Variants in BACH2 observed in about 807,000 individuals in gnomAD.
BACH2 encodes the protein transcription regulator protein BACH2.
A neutral mutation model predicts 61.8 loss-of-function variants in BACH2; 5 were observed. That is an observed-to-expected ratio of 0.08 (90% CI 0.04 to 0.17). The LOEUF (loss-of-function observed/expected upper bound fraction) is 0.17, where lower values mean the gene tolerates loss of function less well. Ranked by LOEUF, BACH2 falls within the 10% of genes least tolerant of loss-of-function variation. The pLI is 1.00. For missense variants in BACH2, 824 were observed against 1,091.1 expected, an observed-to-expected ratio of 0.76 and a Z score of 3.45; for synonymous variants, 446 against 440.1, an observed-to-expected ratio of 1.01 and a Z score of -0.17.
chr6:90,204,361 T>G (rs1289026806), intron 4 of BACH2, among the ~76,000 whole-genome samples: 2 of 152,194 alleles, frequency 1.3e-5, no homozygotes, highest in African/African-American at 4.8e-5. Context: ...TCTGGTTTTA[T>G]TCATGCTGAG....
At chr6:90,109,392 C>G (rs1783067809) in intron 4 of BACH2, among the ~76,000 whole-genome samples, 1 of 152,230 alleles carries the variant, frequency 6.6e-6, no homozygotes, top group Admixed American at 6.5e-5. Flanking sequence ...CTGCAGAGTC[C>G]TCCTCTGCTC....
At chr6:90,050,631 T>C (rs1053182925) in intron 5 of BACH2, among the ~76,000 whole-genome samples, 2 of 152,216 alleles carry the variant, frequency 1.3e-5, no homozygotes, top group Non-Finnish European at 2.9e-5. Context: ...CATAAAGATA[T>C]GTTATTCATG....
At chr6:90,013,787 T>C (rs1777863345) in intron 5 of BACH2, among the ~76,000 whole-genome samples, 1 of 152,042 alleles carries the variant, frequency 6.6e-6, no homozygotes, top group South Asian at 2.1e-4. Context: ...GGATTATAGG[T>C]GTGAGTCACT....
Position 89,951,289 on chromosome 6 carries a change from C to A in BACH2, c.817G>T (p.Gly273Trp). The change falls in exon 7 of 9, where the codon GGG becomes TGG. Residue 273 changes from glycine (G) to tryptophan (W), a missense_variant. Coordinates refer to ENST00000257749, the MANE Select transcript of BACH2 (RefSeq NM_021813.4). This position sits in a 1 kb window ranked among gnomAD's most constrained non-coding sequence, Gnocchi z 6.4. ...CTGGGCGGCTCACTTTTAATCTGCC[C>A]CCTGGCAAGCCCCGGCTTGAGGCTG... is the stretch of plus-strand genomic sequence containing the variant. Reference protein sequence around the residue: ...SNSLKPGLARGQIKSEPPSEE... With the variant: ...SNSLKPGLARWQIKSEPPSEE... The A allele has an allele frequency of 1.5e-5, 24 of 1,614,212 alleles. No homozygotes were observed. Among genetic ancestry groups the A allele is most frequent in the Non-Finnish European group, 1.9e-5 (23 of 1,180,040 alleles).
At chr6:90,282,490 C>CT (rs1253048932) in intron 1 of BACH2, among the ~76,000 whole-genome samples, 1 of 152,090 alleles carries the variant, frequency 6.6e-6, no homozygotes, top group Non-Finnish European at 1.5e-5. Context: ...TGATCTCATT[C>CT]TTTTTTATGG....
intron 3 of BACH2, among the ~76,000 whole-genome samples, chr6:90,231,418 C>G (rs1485002563): frequency 2.0e-5 from 3 of 152,132 alleles, no homozygotes; most frequent in Admixed American, 6.5e-5. Context: ...ACCTTAGCAA[C>G]ATGACCAAAC....
chr6:90,013,454 C>T (rs1040126556), intron 5 of BACH2, among the ~76,000 whole-genome samples: 2 of 150,882 alleles, frequency 1.3e-5, no homozygotes, highest in African/African-American at 4.9e-5. Context: ...CTCCCTCTCT[C>T]CTCCCCTTCC....
At chr6:89,979,089 A>T (rs567986738) in intron 6 of BACH2, among the ~76,000 whole-genome samples, 17 of 152,338 alleles carry the variant, frequency 1.1e-4, no homozygotes, top group African/African-American at 3.8e-4. Context: ...CTTAGCTGGA[A>T]CACCAAAGAG....
At chr6:90,272,511 C>T (rs1361810304) in intron 1 of BACH2, among the ~76,000 whole-genome samples, 1 of 152,164 alleles carries the variant, frequency 6.6e-6, no homozygotes, top group African/African-American at 2.4e-5. Flanking sequence ...GCCATTTTTC[C>T]TGCATATGGT....
At chr6:90,157,746 G>T (rs1354528676) in intron 4 of BACH2, among the ~76,000 whole-genome samples, 2 of 152,136 alleles carry the variant, frequency 1.3e-5, no homozygotes, top group Non-Finnish European at 2.9e-5. Context: ...AATCAGGGTT[G>T]CACCAGCTAG....
At chr6:89,999,870 A>G (rs2127777784) in intron 6 of BACH2, among the ~76,000 whole-genome samples, 1 of 152,364 alleles carries the variant, frequency 6.6e-6, no homozygotes, top group South Asian at 2.1e-4. Context: ...TATTGTGGTC[A>G]TCCTACATCA....
chr6:90,282,022 T>A (rs1251162472), intron 1 of BACH2, among the ~76,000 whole-genome samples: 2 of 152,150 alleles, frequency 1.3e-5, no homozygotes, highest in Non-Finnish European at 1.5e-5. Flanking sequence ...AGTTGATTTT[T>A]CATTGCCAAA....
chr6:89,978,946 C>G (rs1262145204), intron 6 of BACH2, among the ~76,000 whole-genome samples: 1 of 152,122 alleles, frequency 6.6e-6, no homozygotes, highest in Non-Finnish European at 1.5e-5. Flanking sequence ...TTGTGAACTC[C>G]GAGGGGGTTG....
At chr6:89,945,993 C>T (rs890977263) in intron 7 of BACH2, among the ~76,000 whole-genome samples, 8 of 152,048 alleles carry the variant, frequency 5.3e-5, no homozygotes, top group Admixed American at 4.6e-4. Flanking sequence ...ATAGCAAATC[C>T]AGAAGTCATA....
At chr6:90,027,853 G>C (rs1304377220) in intron 5 of BACH2, among the ~76,000 whole-genome samples, 2 of 152,144 alleles carry the variant, frequency 1.3e-5, no homozygotes, top group African/African-American at 4.8e-5. Context: ...ACAAATAAAA[G>C]CTATTCTTAT....
At chr6:90,232,290 C>T (rs1444394653) in intron 3 of BACH2, among the ~76,000 whole-genome samples, 1 of 152,192 alleles carries the variant, frequency 6.6e-6, no homozygotes, top group African/African-American at 2.4e-5. Flanking sequence ...AGCACACCTG[C>T]AGGCAGGCTC....
At chr6:90,048,016 C>A (rs1779869327) in intron 5 of BACH2, among the ~76,000 whole-genome samples, 1 of 152,158 alleles carries the variant, frequency 6.6e-6, no homozygotes, top group Non-Finnish European at 1.5e-5. Flanking sequence ...ATATTCCATT[C>A]TATTGCTGAC....
At chr6:90,260,804 C>T (rs542273888) in intron 2 of BACH2, among the ~76,000 whole-genome samples, 1 of 152,308 alleles carries the variant, frequency 6.6e-6, no homozygotes, top group African/African-American at 2.4e-5. Context: ...CTTCAAACCA[C>T]ACCTATGGAC....
intron 4 of BACH2, among the ~76,000 whole-genome samples, chr6:90,152,247 G>C (rs756884703): frequency 6.6e-6 from 1 of 152,150 alleles, no homozygotes; most frequent in African/African-American, 2.4e-5. Flanking sequence ...TATTTCTAGC[G>C]ATAAGCATCT....
Sources: gnomAD v4.1 joint callset for allele counts (sites outside exome capture counted in the v4.1 genomes callset) on GRCh38, gnomAD v4.1.1 for gene constraint, Gnocchi (gnomAD v3.1) non-coding constraint, MANE v1.5 for transcripts, NCBI Gene and HGNC (gene_info 2026-07-23, HGNC 2026-07-21) for gene names.